The following NKAIN2 variants were observed in gnomAD, a reference collection of about 807,000 sequenced individuals.
NKAIN2 encodes the protein sodium/potassium-transporting ATPase subunit beta-1-interacting protein 2.
In NKAIN2, 14 loss-of-function variants were observed where a neutral mutation model predicts 32.6. The ratio of observed to expected loss-of-function variants is 0.43; its 90% CI spans 0.28 to 0.67. The LOEUF is 0.67. NKAIN2 is among the 30% of genes least tolerant of loss of function. The pLI, the probability that NKAIN2 is intolerant of heterozygous loss-of-function variation, is 0.17. For synonymous variants in NKAIN2, 80 were observed against 87.2 expected (o/e 0.92, Z 0.46); for missense variants, 198 against 258.3 (o/e 0.77, Z 1.60).
intron 1 of NKAIN2, among the ~76,000 whole-genome samples, chr6:123,991,954 G>C (rs987869608): frequency 1.3e-5 from 2 of 151,910 alleles, no homozygotes; most frequent in Non-Finnish European, 2.9e-5. Context: ...TTCTTCTATA[G>C]GTTGGCTAGG....
chr6:123,869,364 A>G (rs142094493), intron 1 of NKAIN2, among the ~76,000 whole-genome samples: 6 of 152,308 alleles, frequency 3.9e-5, no homozygotes, highest in Middle Eastern at 3.4e-3. Flanking sequence ...TTCATCTTTT[A>G]TACCAACCAG....
intron 1 of NKAIN2, among the ~76,000 whole-genome samples, chr6:124,081,950 G>A (rs1311984842): frequency 6.6e-6 from 1 of 152,002 alleles, no homozygotes; most frequent in South Asian, 2.1e-4. Context: ...TATTAAGATT[G>A]CAGGTATTCA....
intron 1 of NKAIN2, among the ~76,000 whole-genome samples, chr6:123,988,778 G>T (rs1779275394): frequency 6.6e-6 from 1 of 151,920 alleles, no homozygotes; most frequent in South Asian, 2.1e-4. Flanking sequence ...ATACCATTTT[G>T]TTTAGAAAAT....
At chr6:124,808,302 C>A (rs1339192753) in intron 5 of NKAIN2, among the ~76,000 whole-genome samples, 2 of 151,858 alleles carry the variant, frequency 1.3e-5, no homozygotes, top group Non-Finnish European at 2.9e-5. Context: ...AAGTGGGCTT[C>A]ATCCCTGGGA....
intron 1 of NKAIN2, among the ~76,000 whole-genome samples, chr6:123,926,022 A>G (rs771324268): frequency 5.9e-5 from 9 of 152,176 alleles, no homozygotes; most frequent in Non-Finnish European, 1.2e-4. Context: ...GTGTCCTCAC[A>G]TGGTGGAAGG....
At chr6:124,536,270 T>C (rs1378919384) in intron 3 of NKAIN2, among the ~76,000 whole-genome samples, 1 of 152,148 alleles carries the variant, frequency 6.6e-6, no homozygotes, top group Non-Finnish European at 1.5e-5. Context: ...ACTGAGTCTT[T>C]ATTGAGTATG....
At chr6:124,396,325 T>G (rs1296966232) in intron 3 of NKAIN2, among the ~76,000 whole-genome samples, 1 of 150,998 alleles carries the variant, frequency 6.6e-6, no homozygotes, top group East Asian at 1.9e-4. Context: ...AAGAATAAAT[T>G]TTTCAAGCAA....
chr6:124,249,319 T>C (rs1396114789), intron 1 of NKAIN2, among the ~76,000 whole-genome samples: 1 of 152,106 alleles, frequency 6.6e-6, no homozygotes, highest in Non-Finnish European at 1.5e-5. Context: ...TGCAAAACAA[T>C]GGTCATTATA....
chr6:123,850,672 A>G (rs1775303180), intron 1 of NKAIN2, among the ~76,000 whole-genome samples: 1 of 152,226 alleles, frequency 6.6e-6, no homozygotes. Context: ...ATTTTGAAAT[A>G]TGCAGTTGCT....
At chr6:124,658,062 G>A (rs763081979) in intron 3 of NKAIN2, 124 bp from the exon 4 acceptor site, 20 of 682,334 alleles carry the variant, frequency 2.9e-5, no homozygotes, top group Non-Finnish European at 4.2e-5. Context: ...ATACAGCATG[G>A]GGTAGGAAAA....
intron 3 of NKAIN2, among the ~76,000 whole-genome samples, chr6:124,386,361 G>A (rs771272506): frequency 7.2e-5 from 11 of 152,070 alleles, no homozygotes; most frequent in East Asian, 1.9e-4. Flanking sequence ...CCATAAAACC[G>A]TTGCCATGAC....
intron 1 of NKAIN2, among the ~76,000 whole-genome samples, chr6:124,043,098 A>G (rs11757225): frequency 0.082 from 12,458 of 152,088 alleles, 551 homozygotes; most frequent in Middle Eastern, 0.18. Context: ...AGGTTCACAC[A>G]TGTAATCCCA....
chr6:124,757,926 C>G (rs1447970650), intron 4 of NKAIN2, among the ~76,000 whole-genome samples: 5 of 152,096 alleles, frequency 3.3e-5, no homozygotes, highest in Non-Finnish European at 7.4e-5. Context: ...AAGTTTTTAA[C>G]TAATAAGGTA....
chr6:124,625,613 T>A (rs1783290710), intron 3 of NKAIN2, among the ~76,000 whole-genome samples: 2 of 152,186 alleles, frequency 1.3e-5, no homozygotes, highest in African/African-American at 4.8e-5. Flanking sequence ...AAATAGCTTA[T>A]CTTACTTCAC....
chr6:124,610,504 G>A (rs1191448345), intron 3 of NKAIN2, among the ~76,000 whole-genome samples: 1 of 152,148 alleles, frequency 6.6e-6, no homozygotes, highest in African/African-American at 2.4e-5. Flanking sequence ...TACTGTCTAT[G>A]CTGGTTAATA....
At chr6:124,083,775 A>C (rs1784074894) in intron 1 of NKAIN2, among the ~76,000 whole-genome samples, 1 of 144,096 alleles carries the variant, frequency 6.9e-6, no homozygotes, top group Non-Finnish European at 1.5e-5. Flanking sequence ...TTTCAGTCTA[A>C]GAGGAACTGC....
intron 1 of NKAIN2, among the ~76,000 whole-genome samples, chr6:124,273,724 A>G (rs1254660809): frequency 6.6e-6 from 1 of 152,180 alleles, no homozygotes; most frequent in Non-Finnish European, 1.5e-5. Context: ...GCCCATGGCC[A>G]TTCCTCTTCC....
chr6:124,212,437 T>C lies in NKAIN2; in HGVS notation c.55-70568T>C, dbSNP rs375165560. Among the ~76,000 whole-genome samples the C allele has an allele frequency of 5.9e-5, 9 of 152,140 alleles. No individual in the cohort carries two copies. The East Asian group carries it at 1.5e-3, about 26-fold the overall frequency. On this transcript the variant is annotated intron_variant, in intron 1 of 6. Transcript: ENST00000368417. ...ATCTTGAAACAGATCTTAATAATAT[T>C]AGTTAATAGAGTGTTAGAGAGTTTA...
At chr6:124,088,572 CT>C (rs1187078977) in intron 1 of NKAIN2, among the ~76,000 whole-genome samples, 1 of 151,936 alleles carries the variant, frequency 6.6e-6, no homozygotes, top group African/African-American at 2.4e-5. Context: ...TAGTTTTTAC[CT>C]GCTGAAGACA....
Sources: gnomAD v4.1 joint callset for allele counts (sites outside exome capture counted in the v4.1 genomes callset) on GRCh38, gnomAD v4.1.1 for gene constraint, MANE v1.5 for transcripts, NCBI Gene and HGNC (gene_info 2026-07-23, HGNC 2026-07-21) for gene names.